TOPORS: variants seen among roughly 807,000 people sequenced by gnomAD.
The protein encoded by TOPORS is TOP1 binding arginine/serine rich protein, E3 ubiquitin ligase, also known as E3 ubiquitin-protein ligase Topors.
TOPORS carries 25 observed loss-of-function variants against 81.4 expected under a neutral mutation model. The ratio of observed to expected loss-of-function variants is 0.31; its 90% CI spans 0.22 to 0.43. The LOEUF (loss-of-function observed/expected upper bound fraction) is 0.43. Among genes scored for constraint, TOPORS ranks in the 20% least tolerant of loss-of-function variants. TOPORS has a pLI of 1.00. For missense variants in TOPORS, 1,101 were observed against 1,267.0 expected (o/e 0.87, Z 1.99); for synonymous variants, 473 against 456.6 (o/e 1.04, Z -0.46).
Position 32,543,222 on chromosome 9 carries a change from T to A in TOPORS, c.1303A>T (p.Met435Leu). Residue 435 changes from methionine to leucine, a missense_variant, in exon 3 of 3, where the codon ATG becomes TTG. This residue lies in a region of TOPORS where 103 missense variants were observed against 112.1 expected (regional missense o/e 0.92). Coordinates refer to ENST00000360538, the MANE Select transcript of TOPORS (RefSeq NM_005802.5). This position sits in a 1 kb window ranked among gnomAD's most constrained non-coding sequence, Gnocchi z 5.6. The stretch of plus-strand genomic sequence containing the variant: ...TCAGAAGTATTTAAAAGAGAAGACA[T>A]AGTAACGTGTACCTGCTCTGAGCTT... ...YSSSEQVHVT[M>L]SSLLNTSDSS... 6.2e-7 allele frequency: 1 copy of A among 1,613,632 alleles called. No individual in the cohort carries two copies. Among genetic ancestry groups the A allele is most frequent in the South Asian group, 1.1e-5 (1 of 91,086 alleles).
intron 2 of TOPORS, among the ~76,000 whole-genome samples, chr9:32,547,899 G>C (rs1440766877): frequency 2.0e-5 from 3 of 151,746 alleles, no homozygotes; most frequent in Non-Finnish European, 4.4e-5. Flanking sequence ...TGGCGCGATC[G>C]TGGCTCACTG....
intron 2 of TOPORS, among the ~76,000 whole-genome samples, chr9:32,546,164 G>T (rs895341760): frequency 3.3e-5 from 5 of 152,120 alleles, no homozygotes; most frequent in African/African-American, 1.2e-4. Context: ...TGTCCTGGAA[G>T]GTCTGGAAAA....
chr9:32,549,052 G>A (rs1001610410), intron 2 of TOPORS, among the ~76,000 whole-genome samples: 3 of 152,138 alleles, frequency 2.0e-5, no homozygotes, highest in Non-Finnish European at 2.9e-5. Flanking sequence ...GCTCATGCCT[G>A]TAATCCCAGC....
chr9:32,543,424 G>A lies in TOPORS; in HGVS notation c.1101C>T (p.Ala367=). The stretch of plus-strand genomic sequence containing the variant: ...AATCATAATTGGCATGCTGGTCAAA[G>A]GCTGCCATGTTAAAAGGAGATCGGG... The part of the protein sequence containing the change: ...SFARSPFNMA[A]FDQHANYDCP... The change falls in exon 3 of 3, where the codon GCC becomes GCT. Residue 367 remains alanine (A), a synonymous_variant. Coordinates refer to ENST00000360538, the MANE Select transcript of TOPORS (RefSeq NM_005802.5). The surrounding 1 kb of genome is among the most constrained non-coding windows in gnomAD (Gnocchi z 5.6). 6.2e-7 allele frequency: 1 copy of A among 1,613,834 alleles called. No homozygotes were observed. Among genetic ancestry groups the A allele is most frequent in the Non-Finnish European group, 8.5e-7 (1 of 1,179,844 alleles).
In TOPORS at chr9:32,543,734, C is replaced by G; in HGVS notation, c.791G>C (p.Arg264Pro). The G allele has an allele frequency of 6.2e-7, 1 of 1,612,014 alleles. No individual in the cohort carries two copies. The highest frequency in any genetic ancestry group is 8.5e-7 in the Non-Finnish European group (1 of 1,178,744). The change falls in exon 3 of 3, where the codon CGT becomes CCT. Residue 264 changes from arginine to proline, a missense_variant. By Grantham distance (103) the Arg-to-Pro change is moderately radical. This residue lies in a region of TOPORS where 69 missense variants were observed against 153.6 expected (regional missense o/e 0.45). Transcript: ENST00000360538. This position sits in a 1 kb window ranked among gnomAD's most constrained non-coding sequence, Gnocchi z 5.6. ...AATATTTCTAACTCGAGCACCAGCA[C>G]GATAAAGAGTTCGTCTAAAATTAAT... ...DIINFRRTLY[R>P]AGARVRNIED... is the part of the protein sequence containing the mutation.
In TOPORS at chr9:32,541,356, T is replaced by C. The variant is rs773462633; in HGVS notation, c.*31A>G. On this transcript the variant is annotated 3_prime_UTR_variant, in exon 3 of 3. Transcript: ENST00000360538. ...TTCTTCCTTTTTCCTTTTTATAACA[T>C]CATAATTCTCAATGAAATGCTTTGG... 1 of 1,608,954 alleles carries C rather than the reference T, an allele frequency of 6.2e-7. No individual in the cohort carries two copies. The highest frequency in any genetic ancestry group is 1.7e-5 in the Admixed American group (1 of 59,922).
In TOPORS at chr9:32,543,843, G is replaced by A; in HGVS notation, c.682C>T (p.Pro228Ser). 6.2e-7 allele frequency: 1 copy of A among 1,614,088 alleles called. No homozygotes were observed. Among genetic ancestry groups the A allele is most frequent in the Non-Finnish European group, 8.5e-7 (1 of 1,180,012 alleles). ...ACTGCAATCTGTCTCATAAACTGAG[G>A]AATTTCAACATCTCTAGGTCTTGTT... ...ISTRPRDVEI[P>S]QFMRQIAVRR... Residue 228 changes from proline (P) to serine (S), a missense_variant, in exon 3 of 3, where the codon CCT (proline) becomes TCT (serine). Physicochemically the swap from Pro to Ser is moderately conservative, Grantham distance 74. Coordinates refer to ENST00000360538, the MANE Select transcript of TOPORS (RefSeq NM_005802.5). The surrounding 1 kb of genome is among the most constrained non-coding windows in gnomAD (Gnocchi z 5.6).
At chr9:32,546,157 C>T (rs923931350) in intron 2 of TOPORS, among the ~76,000 whole-genome samples, 1 of 152,218 alleles carries the variant, frequency 6.6e-6, no homozygotes, top group Non-Finnish European at 1.5e-5. Flanking sequence ...TCATCACTGT[C>T]CTGGAAGGTC....
rs1821060462 is a variant in TOPORS, at chr9:32,541,632, C to T, written c.2893G>A (p.Glu965Lys). The stretch of plus-strand genomic sequence containing the variant: ...TTACTAAGTGTGGCAATATCACATT[C>T]CTTGTCCAGCACACCAAATTCAGCT... ...IEAEFGVLDK[E>K]CDIATLSNNL... The change falls in exon 3 of 3, where the codon GAA (glutamate) becomes AAA (lysine). Residue 965 changes from glutamate (E) to lysine (K), a missense_variant. By Grantham distance (56) the Glu-to-Lys change is moderately conservative. Transcript: ENST00000360538. 2 of 1,614,160 alleles carry T rather than the reference C, an allele frequency of 1.2e-6. No individual in the cohort carries two copies. The highest frequency in any genetic ancestry group is 1.3e-5 in the African/African-American group (1 of 75,028).
At position 32,542,903 on chromosome 9, in the gene TOPORS, T is replaced by C; in HGVS notation, c.1622A>G (p.Lys541Arg). Reference protein sequence around the residue: ...RCSSPHSVLGKDEQINKGHCD... With the variant: ...RCSSPHSVLGRDEQINKGHCD... The stretch of plus-strand genomic sequence containing the variant: ...ATGACCTTTATTTATTTGTTCATCC[T>C]TTCCAAGGACAGAGTGTGGAGATGA... The change falls in exon 3 of 3, where the codon AAG (lysine) becomes AGG (arginine). Residue 541 changes from lysine to arginine, a missense_variant. Lys to Arg is a conservative substitution (Grantham distance 26). Transcript: ENST00000360538. The C allele has an allele frequency of 1.9e-6, 3 of 1,614,196 alleles. No homozygotes were observed. The highest frequency in any genetic ancestry group is 2.5e-6 in the Non-Finnish European group (3 of 1,180,022).
rs1821073916 is a variant in TOPORS at position 32,542,158 on chromosome 9, A to C, written c.2367T>G (p.Asn789Lys). The C allele has an allele frequency of 6.2e-7, 1 of 1,613,900 alleles. No homozygotes were observed. The highest frequency in any genetic ancestry group is 2.2e-5 in the East Asian group (1 of 44,866). The change falls in exon 3 of 3, where the codon AAT (asparagine) becomes AAG (lysine). Residue 789 changes from asparagine (N) to lysine (K), a missense_variant. By Grantham distance (94) the Asn-to-Lys change is moderately conservative (BLOSUM62 0). Coordinates refer to ENST00000360538, the MANE Select transcript of TOPORS (RefSeq NM_005802.5). Reference protein sequence around the residue: ...TASTGTDRVRNEKPGGKRKYK... With the variant: ...TASTGTDRVRKEKPGGKRKYK... ...ATTTTCGTTTCCCTCCAGGCTTTTC[A>C]TTTCTCACCCGGTCAGTCCCGGTAG...
At chr9:32,547,832 CTTTTA>C (rs1444491570) in intron 2 of TOPORS, among the ~76,000 whole-genome samples, 9 of 151,604 alleles carry the variant, frequency 5.9e-5, no homozygotes, top group East Asian at 1.9e-4. Flanking sequence ...GGAATGTAAT[CTTTTA>C]TTTTATTTTT....
Position 32,552,486 on chromosome 9 carries a change from C to T in TOPORS, c.-50G>A, listed in dbSNP as rs201250815. 13 of 1,589,100 alleles carry T rather than the reference C, an allele frequency of 8.2e-6. No homozygotes were observed. The East Asian group carries it at 2.3e-4, about 28-fold the overall frequency. ...GGACTGGATTTATTCAGTGGTAAGT[C>T]CCGGGGATCGCGGGCCCCCACCGTG... is the stretch of plus-strand genomic sequence containing the variant. On this transcript the variant is annotated 5_prime_UTR_variant, in exon 1 of 3. Coordinates refer to ENST00000360538, the MANE Select transcript of TOPORS (RefSeq NM_005802.5).
At chr9:32,548,767 T>C (rs1821177038) in intron 2 of TOPORS, among the ~76,000 whole-genome samples, 1 of 152,180 alleles carries the variant, frequency 6.6e-6, no homozygotes, top group South Asian at 2.1e-4. Flanking sequence ...TCACCATCTT[T>C]AGTATAAACT....
Position 32,544,005 on chromosome 9 carries a change from G to A in TOPORS, c.520C>T (p.Pro174Ser), listed in dbSNP as rs771036401. The A allele has an allele frequency of 2.2e-5, 36 of 1,613,992 alleles. No individual in the cohort carries two copies. The highest frequency in any genetic ancestry group is 2.8e-5 in the Non-Finnish European group (33 of 1,180,036). The stretch of plus-strand genomic sequence containing the variant: ...GTACGGTAGCGAAATCGTCGATCAG[G>A]GGTGACAAAAGAACCATTATACGAA... ...RPSYNGSFVT[P>S]DRRFRYRTTL... Residue 174 changes from proline to serine, a missense_variant, in exon 3 of 3, where the codon CCT becomes TCT. By Grantham distance (74) the Pro-to-Ser change is moderately conservative (BLOSUM62 -1). Transcript: ENST00000360538.
chr9:32,542,554 G>T lies in TOPORS; in HGVS notation c.1971C>A (p.Ser657Arg). The change falls in exon 3 of 3, where the codon AGC (serine) becomes AGA (arginine). Residue 657 changes from serine (S) to arginine (R), a missense_variant. Physicochemically the swap from Ser to Arg is moderately radical, Grantham distance 110. This residue lies in a region of TOPORS where 605 missense variants were observed against 636.1 expected (regional missense o/e 0.95). Coordinates refer to ENST00000360538, the MANE Select transcript of TOPORS (RefSeq NM_005802.5). ...RTRDSSWSRR[S>R]QTLSLSSEST... ...TTTCACTACTTAGAGACAGAGTTTG[G>T]CTTCTTCTGGACCAACTGCTATCTC... 6.2e-7 allele frequency: 1 copy of T among 1,614,018 alleles called. No homozygotes were observed. The highest frequency in any genetic ancestry group is 8.5e-7 in the Non-Finnish European group (1 of 1,180,008).
intron 1 of TOPORS, chr9:32,551,855 C>T (rs1162968102): frequency 4.6e-6 from 2 of 432,306 alleles, no homozygotes; most frequent in Non-Finnish European, 9.4e-6. Context: ...TTACGCTATA[C>T]GTTTCTGAAG....
chr9:32,546,715 A>T (rs187279609), intron 2 of TOPORS, among the ~76,000 whole-genome samples: 150 of 152,304 alleles, frequency 9.8e-4, no homozygotes, highest in African/African-American at 3.2e-3. Flanking sequence ...TGATTTTTTT[A>T]AAAAAATGAA....
chr9:32,541,314 G>A lies in TOPORS; in HGVS notation c.*73C>T. 1.4e-6 allele frequency: 2 copies of A among 1,404,940 alleles called. No individual in the cohort carries two copies. The highest frequency in any genetic ancestry group is 4.7e-5 in the East Asian group (2 of 42,886). The allele number at this position is 1,404,940 out of a possible 1,614,324, so 87.0% of individuals were successfully genotyped here. A position where few individuals can be genotyped will look rare whatever the true frequency, so the allele number is the denominator to read the frequency against. On this transcript the variant is annotated 3_prime_UTR_variant, in exon 3 of 3. Transcript: ENST00000360538. ...TTTCACCAAATGTCATCTTTAAATAGACTGCAGTAGACGACATTCTTCCTT... is the reference window on the plus strand; with the variant it reads ...TTTCACCAAATGTCATCTTTAAATAAACTGCAGTAGACGACATTCTTCCTT...
Sources: allele counts gnomAD v4.1 joint callset (sites outside exome capture counted in the v4.1 genomes callset), GRCh38; gene constraint gnomAD v4.1.1; regional missense constraint gnomAD v4.1.1; non-coding constraint Gnocchi (gnomAD v3.1); transcripts MANE v1.5; gene names NCBI Gene and HGNC (gene_info 2026-07-23, HGNC 2026-07-21).